KANSL3: variants seen among roughly 807,000 people sequenced by gnomAD.
KANSL3 encodes the protein NSL complex protein NSL3.
KANSL3 carries 16 observed loss-of-function variants against 89.2 expected under a neutral mutation model. The ratio of observed to expected loss-of-function variants is 0.18; its 90% CI spans 0.12 to 0.27. The LOEUF (loss-of-function observed/expected upper bound fraction) is 0.27, where lower values mean the gene tolerates loss of function less well. Ranked by LOEUF, KANSL3 falls within the 10% of genes least tolerant of loss-of-function variation. KANSL3 has a pLI of 1.00. For synonymous variants in KANSL3, 385 were observed against 419.7 expected (o/e 0.92, Z 1.01); for missense variants, 879 against 1,110.6 (o/e 0.79, Z 2.96).
At chr2:96,618,839 T>C (rs2070711267) in intron 5 of KANSL3, among the ~76,000 whole-genome samples, 1 of 152,222 alleles carries the variant, frequency 6.6e-6, no homozygotes, top group African/African-American at 2.4e-5. Flanking sequence ...AAAAACAGTT[T>C]AACTTTGTGC....
the KANSL3 span, among the ~76,000 whole-genome samples, chr2:96,587,535 G>A: frequency 6.6e-6 from 1 of 152,180 alleles, no homozygotes; most frequent in Non-Finnish European, 1.5e-5. Flanking sequence ...TGAGAGCAGT[G>A]TCAGATGAGG....
chr2:96,585,506 C>T, the KANSL3 span, among the ~76,000 whole-genome samples: 1 of 152,162 alleles, frequency 6.6e-6, no homozygotes, highest in Non-Finnish European at 1.5e-5. Context: ...CACTTTTACA[C>T]TGCTGGTGGG....
In KANSL3 at chr2:96,608,949, C is replaced by T; in HGVS notation, c.1499G>A (p.Arg500Lys). Residue 500 changes from arginine (R) to lysine (K), a missense_variant, in exon 13 of 21, where the codon AGA (arginine) becomes AAA (lysine). This residue lies in a region of KANSL3 where 317 missense variants were observed against 311.2 expected (regional missense o/e 1.02). Transcript: ENST00000431828. ...CTCAGGGACTTCAAAGGCCAAGTCTCTGCGGGCCACATCGCGGGGCTTCTT... is the reference window on the plus strand; with the variant it reads ...CTCAGGGACTTCAAAGGCCAAGTCTTTGCGGGCCACATCGCGGGGCTTCTT... ...KKKKPRDVAR[R>K]DLAFEVPERG... 1 of 1,566,054 alleles carries T rather than the reference C, an allele frequency of 6.4e-7. No individual in the cohort carries two copies.
downstream of KANSL3, among the ~76,000 whole-genome samples, chr2:96,591,365 G>A (rs2066271299): frequency 6.6e-6 from 1 of 152,138 alleles, no homozygotes; most frequent in Non-Finnish European, 1.5e-5. Context: ...ATAAAGGGGT[G>A]GCATGAGGGA....
Position 96,593,786 on chromosome 2 carries a change from T to C in KANSL3, c.*1825A>G, listed in dbSNP as rs911064125. On this transcript the variant is annotated 3_prime_UTR_variant, in exon 21 of 21. Transcript: ENST00000431828. ...TCCTAAAAGCTTCATATAGCTCATA[T>C]AGTCTTATTGTCCACTGCTCTTTTG... 25 of 161,406 alleles carry C rather than the reference T, an allele frequency of 1.5e-4. 1 individual carries two copies. The highest frequency in any genetic ancestry group is 5.8e-4 in the African/African-American group (24 of 41,688). 10.0% of individuals were successfully genotyped at this position (161,406 alleles called of 1,614,324 possible).
the KANSL3 span, among the ~76,000 whole-genome samples, chr2:96,582,757 A>C: frequency 6.6e-6 from 1 of 152,238 alleles, no homozygotes; most frequent in Non-Finnish European, 1.5e-5. Context: ...TGTTCCAAAA[A>C]TGTTGGATTC....
intron 14 of KANSL3, among the ~76,000 whole-genome samples, chr2:96,608,284 C>A (rs2068313822): frequency 6.6e-6 from 1 of 152,198 alleles, no homozygotes; most frequent in Admixed American, 6.5e-5. Flanking sequence ...CTCCCCAGAA[C>A]AGCAAGACAA....
At chr2:96,582,234 C>T in the KANSL3 span, among the ~76,000 whole-genome samples, 3 of 152,000 alleles carry the variant, frequency 2.0e-5, no homozygotes, top group Non-Finnish European at 4.4e-5. Flanking sequence ...CCCGTCTCCA[C>T]TAAAAATACA....
chr2:96,604,699 AT>A, intron 16 of KANSL3, 79 bp downstream of exon 16: 1 of 1,269,252 alleles, frequency 7.9e-7, no homozygotes, highest in Non-Finnish European at 1.1e-6. Flanking sequence ...AGAATCCATC[AT>A]TTTCCAAAGC....
At chr2:96,599,417 G>A (rs1221405216) in intron 20 of KANSL3, among the ~76,000 whole-genome samples, 1 of 152,144 alleles carries the variant, frequency 6.6e-6, no homozygotes, top group Non-Finnish European at 1.5e-5. Flanking sequence ...ATGGTACATT[G>A]TATGTTATAT....
intron 14 of KANSL3, among the ~76,000 whole-genome samples, chr2:96,607,734 G>A (rs778825857): frequency 1.3e-5 from 2 of 152,212 alleles, no homozygotes; most frequent in Non-Finnish European, 2.9e-5. Flanking sequence ...CACAGGGAAA[G>A]TAAACAGATG....
chr2:96,600,206 ATCCCATAT>A lies in KANSL3; in HGVS notation c.2616+1429_2616+1436del, dbSNP rs375351634. On this transcript the variant is annotated intron_variant, in intron 20 of 20. Transcript: ENST00000431828. ...GTTACAAAACAGTCCATACTCTGTA[ATCCCATAT>A]TTGTACAAAATAAATAAAATAACAT... is the stretch of plus-strand genomic sequence containing the variant. Among the ~76,000 whole-genome samples the A allele has an allele frequency of 5.7e-3, 862 of 152,312 alleles. 9 individuals are homozygous for A. The highest frequency in any genetic ancestry group is 0.02 in the African/African-American group (819 of 41,552).
At position 96,594,999 on chromosome 2, in the gene KANSL3, A is replaced by C. The variant is rs1324746004; in HGVS notation, c.*612T>G. On this transcript the variant is annotated 3_prime_UTR_variant, in exon 21 of 21. Transcript: ENST00000431828. ...CTTCATTATGATACTAACAAAAACCAGAAGTTTCCAGGAGTCAGCAAGCTA... is the reference window on the plus strand; with the variant it reads ...CTTCATTATGATACTAACAAAAACCCGAAGTTTCCAGGAGTCAGCAAGCTA... 1 of 152,362 alleles carries C rather than the reference A, an allele frequency of 6.6e-6. No homozygotes were observed. The allele number at this position is 152,362 out of a possible 1,614,324, so 9.4% of individuals were successfully genotyped here.
At chr2:96,601,050 G>A (rs2067107585) in intron 20 of KANSL3, 2 of 292,488 alleles carry the variant, frequency 6.8e-6, no homozygotes, top group Non-Finnish European at 1.0e-5. Flanking sequence ...ACTTTCAGAG[G>A]CCGAGACAAG....
Position 96,637,157 on chromosome 2 carries a change from C to T in KANSL3, c.-22G>A. 1 of 1,497,784 alleles carries T rather than the reference C, an allele frequency of 6.7e-7. No homozygotes were observed. Among genetic ancestry groups the T allele is most frequent in the Admixed American group, 2.0e-5 (1 of 50,424 alleles). 92.8% of individuals were successfully genotyped at this position (1,497,784 alleles called of 1,614,324 possible). On this transcript the variant is annotated 5_prime_UTR_variant, in exon 2 of 21. An upstream open reading frame in the 5' UTR loses its in-frame stop. Coordinates refer to ENST00000431828, the MANE Select transcript of KANSL3 (RefSeq NM_001115016.3). Reference sequence around the variant, plus strand: ...CCATGTCAGTGGAGGGGCAGAAAGTCAGAGCATGGGTATCTGCATGCTAGT... The same window carrying T: ...CCATGTCAGTGGAGGGGCAGAAAGTTAGAGCATGGGTATCTGCATGCTAGT...
intron 9 of KANSL3, 29 bp from the exon 10 acceptor site, chr2:96,611,167 C>T (rs752325228): frequency 6.9e-6 from 11 of 1,600,788 alleles, no homozygotes; most frequent in African/African-American, 5.4e-5. Context: ...TTTGTCTAAA[C>T]GTCAACTGAG....
At position 96,593,351 on chromosome 2, in the gene KANSL3, G is replaced by A. The variant is rs1006993166; in HGVS notation, c.*2260C>T. 3 of 455,308 alleles carry A rather than the reference G, an allele frequency of 6.6e-6. No individual in the cohort carries two copies. The highest frequency in any genetic ancestry group is 6.0e-5 in the African/African-American group (3 of 50,050). 28.2% of individuals were successfully genotyped at this position (455,308 alleles called of 1,614,324 possible). On this transcript the variant is annotated 3_prime_UTR_variant, in exon 21 of 21. Transcript: ENST00000431828. ...CTCCATAGGGCATCAACATGCATCT[G>A]TCATCCAAGAATCTAAGAACTTCCT...
intron 20 of KANSL3, chr2:96,600,812 C>A (rs1014543724): frequency 1.0e-6 from 1 of 985,252 alleles, no homozygotes; most frequent in East Asian, 1.1e-4. Flanking sequence ...CCTATAAAAA[C>A]CTAGCTGTGC....
chr2:96,593,697 A>G lies in KANSL3; in HGVS notation c.*1914T>C. On this transcript the variant is annotated 3_prime_UTR_variant, in exon 21 of 21. Coordinates refer to ENST00000431828, the MANE Select transcript of KANSL3 (RefSeq NM_001115016.3). ...TTGTTAGTTTTTCTTTGTCCCCAGCATACACTGAGCCAACAACTTAAGTCA... is the reference window on the plus strand; with the variant it reads ...TTGTTAGTTTTTCTTTGTCCCCAGCGTACACTGAGCCAACAACTTAAGTCA... The G allele has an allele frequency of 4.8e-6, 1 of 208,472 alleles. No homozygotes were observed. The highest frequency in any genetic ancestry group is 8.6e-5 in the South Asian group (1 of 11,662). 12.9% of individuals were successfully genotyped at this position (208,472 alleles called of 1,614,324 possible).
Sources: gnomAD v4.1 joint callset for allele counts (sites outside exome capture counted in the v4.1 genomes callset) on GRCh38, gnomAD v4.1.1 for gene constraint, gnomAD v4.1.1 regional missense constraint, MANE v1.5 for transcripts, NCBI Gene and HGNC (gene_info 2026-07-23, HGNC 2026-07-21) for gene names.